KLHL7: variants seen among roughly 807,000 people sequenced by gnomAD.
KLHL7 encodes kelch like family member 7, also known as kelch-like protein 7.
A neutral mutation model predicts 67.4 loss-of-function variants in KLHL7; 44 were observed. The ratio of observed to expected loss-of-function variants is 0.65; its 90% CI spans 0.51 to 0.84. The LOEUF (loss-of-function observed/expected upper bound fraction) is 0.84. KLHL7 is among the 40% of genes least tolerant of loss of function. The pLI is 0.00. For synonymous variants in KLHL7, 252 were observed against 243.3 expected, an observed-to-expected ratio of 1.04 and a Z score of -0.33; for missense variants, 362 against 718.1, an observed-to-expected ratio of 0.50 and a Z score of 5.67.
chr7:23,150,358 C>A (rs977540929), intron 6 of KLHL7, among the ~76,000 whole-genome samples: 5 of 152,086 alleles, frequency 3.3e-5, no homozygotes, highest in African/African-American at 1.2e-4. Context: ...ATTGTGCATA[C>A]AGTCATTTAC....
At chr7:23,121,175 T>G (rs1783320373) in intron 1 of KLHL7, among the ~76,000 whole-genome samples, 1 of 152,270 alleles carries the variant, frequency 6.6e-6, no homozygotes. Flanking sequence ...TTTCATTCTT[T>G]GCTATGGCTG....
intron 4 of KLHL7, among the ~76,000 whole-genome samples, chr7:23,135,567 T>G (rs374602108): frequency 6.6e-6 from 1 of 152,246 alleles, no homozygotes; most frequent in Admixed American, 6.5e-5. Flanking sequence ...TTGAATGATA[T>G]GTGCTTTCTA....
In KLHL7 at chr7:23,125,118, A is replaced by C; in HGVS notation, c.388A>C (p.Lys130Gln). ...AANQYQIEPV[K>Q]KMCVDFLKEQ... ...AAACCAATATCAGATTGAACCTGTG[A>C]AGAAAATGTGTGTTGATTTTTTGAA... Residue 130 changes from lysine to glutamine, a missense_variant, in exon 4 of 11, where the codon AAG becomes CAG. Coordinates refer to ENST00000339077, the MANE Select transcript of KLHL7 (RefSeq NM_001031710.3). 5 of 1,613,368 alleles carry C rather than the reference A, an allele frequency of 3.1e-6. No homozygotes were observed. Among genetic ancestry groups the C allele is most frequent in the Non-Finnish European group, 4.2e-6 (5 of 1,179,376 alleles).
rs564246583 is a variant in KLHL7 at position 23,144,141 on chromosome 7, T to G, written c.793+116T>G. ...CAGGGAGAAACATTCAAGATTTTGC[T>G]CTTCTAGATAGTTAATCCCTTGGGT... On this transcript the variant is annotated intron_variant, in intron 6 of 10. Coordinates refer to ENST00000339077, the MANE Select transcript of KLHL7 (RefSeq NM_001031710.3). The G allele has an allele frequency of 8.6e-5, 78 of 908,120 alleles. No individual in the cohort carries two copies. The South Asian group carries it at 1.0e-3, about 12-fold the overall frequency. The allele number at this position is 908,120 out of a possible 1,614,324, so 56.3% of individuals were successfully genotyped here.
At chr7:23,110,609 T>G (rs1782826434) in intron 1 of KLHL7, among the ~76,000 whole-genome samples, 1 of 152,166 alleles carries the variant, frequency 6.6e-6, no homozygotes, top group Non-Finnish European at 1.5e-5. Context: ...TCTTTTGTTT[T>G]TTTTTTAATT....
chr7:23,132,307 C>T (rs1445257433), intron 4 of KLHL7, among the ~76,000 whole-genome samples: 1 of 152,180 alleles, frequency 6.6e-6, no homozygotes, highest in Non-Finnish European at 1.5e-5. Flanking sequence ...CACATCCTTG[C>T]CAGCATTTGT....
chr7:23,107,906 A>G (rs572794276), intron 1 of KLHL7, among the ~76,000 whole-genome samples: 5 of 152,362 alleles, frequency 3.3e-5, no homozygotes, highest in South Asian at 2.1e-4. Context: ...CATTATGGTT[A>G]TATTGTATTG....
At chr7:23,139,163 A>C (rs1419108731) in intron 4 of KLHL7, among the ~76,000 whole-genome samples, 1 of 151,988 alleles carries the variant, frequency 6.6e-6, no homozygotes, top group Non-Finnish European at 1.5e-5. Context: ...GTGTGGTGAC[A>C]ACAGGGACAT....
chr7:23,109,633 G>A (rs762800898), intron 1 of KLHL7, among the ~76,000 whole-genome samples: 1 of 152,170 alleles, frequency 6.6e-6, no homozygotes, highest in Non-Finnish European at 1.5e-5. Flanking sequence ...CGGCTAAAAT[G>A]ACTTTGCTTC....
intron 8 of KLHL7, among the ~76,000 whole-genome samples, chr7:23,166,427 G>A (rs1462732243): frequency 6.6e-6 from 1 of 152,158 alleles, no homozygotes; most frequent in African/African-American, 2.4e-5. Context: ...TGGGATGTGG[G>A]TGTGGATATA....
intron 7 of KLHL7, among the ~76,000 whole-genome samples, chr7:23,163,354 T>A (rs1784907325): frequency 6.6e-6 from 1 of 152,144 alleles, no homozygotes; most frequent in African/African-American, 2.4e-5. Context: ...GTATTTTTAG[T>A]GGAGACGGGG....
chr7:23,168,787 T>C (rs910983131), intron 9 of KLHL7, among the ~76,000 whole-genome samples: 1 of 152,224 alleles, frequency 6.6e-6, no homozygotes, highest in African/African-American at 2.4e-5. Flanking sequence ...CACTTGATCA[T>C]ATGGCTGGAT....
chr7:23,118,103 C>T (rs1281624787), intron 1 of KLHL7: 3 of 1,006,754 alleles, frequency 3.0e-6, no homozygotes, highest in South Asian at 1.5e-5. Context: ...TACATGGACC[C>T]AACTGCCTTT....
At chr7:23,166,844 T>C (rs1053776687) in intron 8 of KLHL7, among the ~76,000 whole-genome samples, 4 of 152,150 alleles carry the variant, frequency 2.6e-5, no homozygotes, top group East Asian at 1.9e-4. Context: ...TAAGTGTGTT[T>C]TTAGCTTAAG....
chr7:23,138,913 C>T (rs751925427), intron 4 of KLHL7, among the ~76,000 whole-genome samples: 5 of 152,140 alleles, frequency 3.3e-5, no homozygotes, highest in African/African-American at 2.4e-5. Flanking sequence ...TTAATTCTTA[C>T]GTTATTTAAA....
chr7:23,152,780 A>G (rs1236966991), intron 7 of KLHL7, among the ~76,000 whole-genome samples: 1 of 152,276 alleles, frequency 6.6e-6, no homozygotes, highest in African/African-American at 2.4e-5. Flanking sequence ...TTAATAGATC[A>G]TTACTTATAA....
chr7:23,148,543 G>C (rs1220073933), intron 6 of KLHL7, among the ~76,000 whole-genome samples: 2 of 152,172 alleles, frequency 1.3e-5, no homozygotes, highest in African/African-American at 4.8e-5. Flanking sequence ...TCAGGACCAA[G>C]AAGATGCCTT....
chr7:23,126,725 G>A (rs1783588053), intron 4 of KLHL7, among the ~76,000 whole-genome samples: 1 of 152,132 alleles, frequency 6.6e-6, no homozygotes, highest in South Asian at 2.1e-4. Flanking sequence ...TGGAAGGCAG[G>A]TGGAAAGCAG....
At chr7:23,157,433 CA>C (rs139755019) in intron 7 of KLHL7, among the ~76,000 whole-genome samples, 1 of 152,278 alleles carries the variant, frequency 6.6e-6, no homozygotes, top group East Asian at 1.9e-4. Flanking sequence ...CATGGGCAGC[CA>C]GGGGTAAACA....
Sources: allele counts gnomAD v4.1 joint callset (sites outside exome capture counted in the v4.1 genomes callset), GRCh38; gene constraint gnomAD v4.1.1; transcripts MANE v1.5; gene names NCBI Gene and HGNC (gene_info 2026-07-23, HGNC 2026-07-21).